Variants in WSCD2 observed in about 807,000 individuals in gnomAD.
WSCD2 encodes WSC domain sialate O sulfotransferase 2.
WSCD2 carries 28 observed loss-of-function variants against 55.7 expected under a neutral mutation model. The ratio of observed to expected loss-of-function variants is 0.50; its 90% CI spans 0.37 to 0.69. WSCD2 has a LOEUF of 0.69. Among genes scored for constraint, WSCD2 ranks in the 30% least tolerant of loss-of-function variants. WSCD2 has a pLI of 0.00. For missense variants in WSCD2, 616 were observed against 762.1 expected, an observed-to-expected ratio of 0.81 and a Z score of 2.26; for synonymous variants, 301 against 301.9, an observed-to-expected ratio of 1.00 and a Z score of 0.03.
chr12:108,248,214 C>G lies in WSCD2; in HGVS notation c.1569C>G (p.Leu523=). 1 of 1,614,224 alleles carries G rather than the reference C, an allele frequency of 6.2e-7. No homozygotes were observed. Among genetic ancestry groups the G allele is most frequent in the Non-Finnish European group, 8.5e-7 (1 of 1,180,040 alleles). Residue 523 remains leucine, a synonymous_variant, in exon 9 of 9, where the codon CTC becomes CTG. Coordinates refer to ENST00000547525, the MANE Select transcript of WSCD2 (RefSeq NM_014653.4). This position sits in a 1 kb window ranked among gnomAD's most constrained non-coding sequence, Gnocchi z 4.3. ...ATGGCAACTTCAAGCGCTCAGGGCTCCGGAAGCTCGAGTATGACCCCTATA... is the reference window on the plus strand; with the variant it reads ...ATGGCAACTTCAAGCGCTCAGGGCTGCGGAAGCTCGAGTATGACCCCTATA... The part of the protein sequence containing the change: ...QKDGNFKRSG[L]RKLEYDPYTA...
intron 1 of WSCD2, among the ~76,000 whole-genome samples, chr12:108,167,083 A>T (rs1031942109): frequency 6.6e-6 from 1 of 151,964 alleles, no homozygotes; most frequent in Non-Finnish European, 1.5e-5. Flanking sequence ...AAGTGCTGGG[A>T]TTATAGGCAT....
intron 1 of WSCD2, among the ~76,000 whole-genome samples, chr12:108,170,397 G>A (rs1261587786): frequency 6.6e-6 from 1 of 152,100 alleles, no homozygotes; most frequent in African/African-American, 2.4e-5. Flanking sequence ...TGGTGATGAT[G>A]TAAATATTAA....
At chr12:108,202,921 A>C (rs1884887831) in intron 2 of WSCD2, among the ~76,000 whole-genome samples, 1 of 152,210 alleles carries the variant, frequency 6.6e-6, no homozygotes, top group Admixed American at 6.5e-5. Flanking sequence ...AAAATCCCAG[A>C]TCTTCTCCCA....
At chr12:108,238,297 T>G (rs1293902511) in intron 7 of WSCD2, among the ~76,000 whole-genome samples, 1 of 152,212 alleles carries the variant, frequency 6.6e-6, no homozygotes, top group African/African-American at 2.4e-5. Flanking sequence ...AAAGCTAGGC[T>G]TATCCCAGGC....
intron 1 of WSCD2, among the ~76,000 whole-genome samples, chr12:108,178,987 A>G (rs1881287742): frequency 6.6e-6 from 1 of 152,228 alleles, no homozygotes; most frequent in Non-Finnish European, 1.5e-5. Context: ...TCTGAGGCCT[A>G]GAAAGGTTCT....
intron 4 of WSCD2, among the ~76,000 whole-genome samples, chr12:108,221,183 T>G (rs1230416256): frequency 6.6e-6 from 1 of 152,120 alleles, no homozygotes; most frequent in Non-Finnish European, 1.5e-5. Flanking sequence ...TCCGGCTGAC[T>G]GAGTTTTCTG....
chr12:108,202,694 G>A lies in WSCD2; in HGVS notation c.383-3595G>A, dbSNP rs916088393. On this transcript the variant is annotated intron_variant, in intron 2 of 8. Transcript: ENST00000547525. ...AAAGAGGGGAACAACAGACACTGGG[G>A]ACTGTTTGAAGGTGCAGGGTGGTAG... is the stretch of plus-strand genomic sequence containing the variant. Among the ~76,000 whole-genome samples the A allele has an allele frequency of 3.3e-5, 5 of 152,298 alleles. No homozygotes were observed. In the East Asian group the frequency reaches 9.6e-4, roughly 29 times the overall value.
chr12:108,139,475 A>G (rs887134580), intron 1 of WSCD2, among the ~76,000 whole-genome samples: 4 of 152,176 alleles, frequency 2.6e-5, no homozygotes, highest in Admixed American at 6.5e-5. Context: ...AGAGTAGTAC[A>G]TGCTGCAAAG....
At chr12:108,208,208 G>T (rs1342520491) in intron 3 of WSCD2, among the ~76,000 whole-genome samples, 1 of 152,206 alleles carries the variant, frequency 6.6e-6, no homozygotes, top group African/African-American at 2.4e-5. Flanking sequence ...GGGAGATAGA[G>T]GCATGAACAA....
At chr12:108,243,236 T>TTTTTG (rs1441334241) in intron 8 of WSCD2, among the ~76,000 whole-genome samples, 2 of 152,326 alleles carry the variant, frequency 1.3e-5, no homozygotes, top group South Asian at 4.1e-4. Context: ...TGGTTTTTTG[T>TTTTTG]TTTTGTTTTG....
intron 1 of WSCD2, among the ~76,000 whole-genome samples, chr12:108,162,031 G>T (rs1296066295): frequency 6.6e-6 from 1 of 152,198 alleles, no homozygotes; most frequent in Non-Finnish European, 1.5e-5. Flanking sequence ...GGACACTGAG[G>T]CTCACAGAGG....
intron 1 of WSCD2, among the ~76,000 whole-genome samples, chr12:108,175,828 TTTTTC>T (rs369324023): frequency 2.7e-4 from 41 of 152,236 alleles, no homozygotes; most frequent in Admixed American, 7.8e-4. Context: ...TTACATGGCA[TTTTTC>T]TTTTCTTTTC....
At chr12:108,135,070 C>T (rs941816639) in intron 1 of WSCD2, among the ~76,000 whole-genome samples, 6 of 152,216 alleles carry the variant, frequency 3.9e-5, no homozygotes, top group Non-Finnish European at 8.8e-5. Flanking sequence ...TGAATCATGT[C>T]ACAGAAGTGG....
intron 1 of WSCD2, among the ~76,000 whole-genome samples, chr12:108,185,657 T>C (rs1249376748): frequency 1.3e-5 from 2 of 152,200 alleles, no homozygotes; most frequent in Non-Finnish European, 2.9e-5. Flanking sequence ...GAGTCAATGA[T>C]AGCTTACTCT....
chr12:108,161,512 T>C (rs1236344322), intron 1 of WSCD2, among the ~76,000 whole-genome samples: 5 of 152,100 alleles, frequency 3.3e-5, no homozygotes, highest in Admixed American at 3.3e-4. Context: ...TGCCAAAGAT[T>C]GCTGGCAAAC....
rs566132863 is a variant in WSCD2, at chr12:108,195,393, G to A, written c.-440G>A. 174 of 155,516 alleles carry A rather than the reference G, an allele frequency of 1.1e-3. No homozygotes were observed. The highest frequency in any genetic ancestry group is 3.9e-3 in the African/African-American group (161 of 41,630). 9.6% of individuals were successfully genotyped at this position (155,516 alleles called of 1,614,324 possible). A position where few individuals can be genotyped will look rare whatever the true frequency, so the allele number is the denominator to read the frequency against. On this transcript the variant is annotated 5_prime_UTR_variant, in exon 2 of 9. Transcript: ENST00000547525. ...AGCTGGGGAAGAGGCCAGAAACAAG[G>A]CCCCCAGTGAAATAACCCAGATCCA...
intron 7 of WSCD2, among the ~76,000 whole-genome samples, chr12:108,239,129 T>C (rs2137222773): frequency 6.6e-6 from 1 of 152,268 alleles, no homozygotes. Flanking sequence ...GGCCTCTTCA[T>C]CACAGACCCC....
chr12:108,153,019 G>A (rs571095287), intron 1 of WSCD2, among the ~76,000 whole-genome samples: 2 of 152,082 alleles, frequency 1.3e-5, no homozygotes, highest in South Asian at 2.1e-4. Context: ...CATGAGAATC[G>A]CTTGAACCTG....
intron 3 of WSCD2, among the ~76,000 whole-genome samples, chr12:108,208,250 T>G (rs144627620): frequency 6.6e-6 from 1 of 152,240 alleles, no homozygotes; most frequent in African/African-American, 2.4e-5. Flanking sequence ...CAACAGTTTA[T>G]AACAGTTAAA....
Sources: gnomAD v4.1 joint callset for allele counts (sites outside exome capture counted in the v4.1 genomes callset) on GRCh38, gnomAD v4.1.1 for gene constraint, Gnocchi (gnomAD v3.1) non-coding constraint, MANE v1.5 for transcripts, NCBI Gene and HGNC (gene_info 2026-07-23, HGNC 2026-07-21) for gene names.